RBFOX1: variants seen among roughly 807,000 people sequenced by gnomAD.
The protein encoded by RBFOX1 is RNA binding fox-1 homolog 1, also known as RNA binding protein fox-1 homolog 1.
Under a neutral mutation model 57.7 loss-of-function variants are expected in RBFOX1, and 8 were observed. The observed-to-expected ratio is 0.14, with a 90% confidence interval of 0.08 to 0.25. RBFOX1 has a LOEUF of 0.25. RBFOX1 is among the 10% of genes least tolerant of loss of function. The probability of loss-of-function intolerance (pLI) is 1.00; values close to 1 mark genes in which losing one functional copy is unlikely to be tolerated. For missense variants in RBFOX1, 611 were observed against 548.5 expected (o/e 1.11, Z -1.14); for synonymous variants, 326 against 222.4 (o/e 1.47, Z -4.15).
chr16:5,858,896 A>T (rs999231352), intron 3 of RBFOX1, among the ~76,000 whole-genome samples: 6 of 152,148 alleles, frequency 3.9e-5, no homozygotes, highest in African/African-American at 1.4e-4. Flanking sequence ...AGAGATAGGG[A>T]GAGGGGAAGC....
At chr16:6,937,171 C>T (rs2077513131) in intron 3 of RBFOX1, among the ~76,000 whole-genome samples, 1 of 151,818 alleles carries the variant, frequency 6.6e-6, no homozygotes, top group African/African-American at 2.4e-5. Context: ...TATTTTTTTC[C>T]AAATTTTTAT....
chr16:6,262,060 A>G (rs1598932523), intron 1 of RBFOX1, among the ~76,000 whole-genome samples: 2 of 152,042 alleles, frequency 1.3e-5, no homozygotes, highest in East Asian at 3.9e-4. Flanking sequence ...AGAAAGATGG[A>G]TATTTTCTTT....
chr16:5,895,357 C>T (rs2058139987), intron 4 of RBFOX1, among the ~76,000 whole-genome samples: 1 of 152,166 alleles, frequency 6.6e-6, no homozygotes, highest in African/African-American at 2.4e-5. Flanking sequence ...TTATCTGTCT[C>T]AGATATTAGA....
At chr16:6,253,866 C>CT (rs2097643548) in intron 1 of RBFOX1, among the ~76,000 whole-genome samples, 2 of 152,188 alleles carry the variant, frequency 1.3e-5, no homozygotes, top group East Asian at 3.9e-4. Context: ...ATTGGTATTC[C>CT]TCTTTGGAGC....
At chr16:6,890,740 C>G (rs1327926209) in intron 3 of RBFOX1, among the ~76,000 whole-genome samples, 1 of 152,170 alleles carries the variant, frequency 6.6e-6, no homozygotes, top group Non-Finnish European at 1.5e-5. Flanking sequence ...AGGAGAGTGC[C>G]TAAATTCACT....
chr16:5,749,644 C>T (rs149962297), intron 3 of RBFOX1, among the ~76,000 whole-genome samples: 1,846 of 152,320 alleles, frequency 0.012, 37 homozygotes, highest in African/African-American at 0.039. Flanking sequence ...ACCCTTTCTT[C>T]CAGTTGATCG....
At chr16:7,364,322 C>T (rs2097393280) in intron 4 of RBFOX1, among the ~76,000 whole-genome samples, 1 of 151,888 alleles carries the variant, frequency 6.6e-6, no homozygotes, top group Admixed American at 6.6e-5. Flanking sequence ...GGAGAAAGGG[C>T]CCTGGAATTA....
intron 2 of RBFOX1, among the ~76,000 whole-genome samples, chr16:6,430,319 G>T (rs1376078763): frequency 1.3e-5 from 2 of 152,144 alleles, no homozygotes; most frequent in East Asian, 3.9e-4. Flanking sequence ...AATGGATGTG[G>T]CCGGGGAATG....
intron 1 of RBFOX1, among the ~76,000 whole-genome samples, chr16:6,310,207 T>G (rs1233460080): frequency 5.3e-5 from 8 of 152,172 alleles, no homozygotes; most frequent in Non-Finnish European, 1.0e-4. Context: ...TTAAGCAGCA[T>G]AAGCCACATG....
intron 3 of RBFOX1, among the ~76,000 whole-genome samples, chr16:7,022,896 T>C (rs1298281070): frequency 5.3e-5 from 8 of 152,210 alleles, no homozygotes; most frequent in Admixed American, 4.6e-4. Context: ...GCTGCAGAAC[T>C]AGGGCTTGCA....
intron 4 of RBFOX1, among the ~76,000 whole-genome samples, chr16:5,917,823 C>T (rs1052013000): frequency 6.6e-6 from 1 of 152,190 alleles, no homozygotes; most frequent in East Asian, 1.9e-4. Context: ...TGTGACTCTT[C>T]TCTGTTTGAA....
At chr16:5,653,660 T>C (rs1210689140) in intron 3 of RBFOX1, among the ~76,000 whole-genome samples, 1 of 152,224 alleles carries the variant, frequency 6.6e-6, no homozygotes, top group Non-Finnish European at 1.5e-5. Flanking sequence ...TGCCGCTCTC[T>C]TTGAAATGCT....
intron 4 of RBFOX1, among the ~76,000 whole-genome samples, chr16:5,878,476 A>G (rs144577985): frequency 1.6e-4 from 24 of 152,320 alleles, no homozygotes; most frequent in African/African-American, 5.8e-4. Context: ...ATTTGATTCT[A>G]TGCAATTTGC....
intron 3 of RBFOX1, among the ~76,000 whole-genome samples, chr16:5,752,409 AC>A (rs1318664160): frequency 6.6e-5 from 10 of 152,216 alleles, no homozygotes; most frequent in African/African-American, 2.4e-4. Flanking sequence ...ACAAACCTGC[AC>A]ATGTATCCTT....
chr16:7,271,496 T>C (rs924587901), intron 4 of RBFOX1, among the ~76,000 whole-genome samples: 2 of 152,142 alleles, frequency 1.3e-5, no homozygotes, highest in East Asian at 1.9e-4. Context: ...ACTTGGTTGA[T>C]CTTGTATTAA....
intron 11 of RBFOX1, among the ~76,000 whole-genome samples, chr16:7,635,987 A>G (rs1405815952): frequency 1.3e-5 from 2 of 151,946 alleles, no homozygotes; most frequent in African/African-American, 4.8e-5. Context: ...ATTTCTTTGT[A>G]TTTTTAGTAG....
intron 1 of RBFOX1, among the ~76,000 whole-genome samples, chr16:5,404,551 G>A (rs1256142399): frequency 6.6e-6 from 1 of 152,192 alleles, no homozygotes; most frequent in East Asian, 1.9e-4. Flanking sequence ...GAGGACAGAG[G>A]ATAGCTGTAT....
intron 3 of RBFOX1, among the ~76,000 whole-genome samples, chr16:6,768,736 T>A (rs2077790742): frequency 6.8e-6 from 1 of 147,242 alleles, no homozygotes; most frequent in Non-Finnish European, 1.5e-5. Context: ...ATGATATTAT[T>A]TTTCTTTTTT....
At chr16:5,854,592 A>ACG (rs1304117536) in intron 3 of RBFOX1, among the ~76,000 whole-genome samples, 4 of 151,668 alleles carry the variant, frequency 2.6e-5, no homozygotes, top group African/African-American at 9.7e-5. Context: ...TCACACACAC[A>ACG]CACACACACA....
Sources: gnomAD v4.1 joint callset for allele counts (sites outside exome capture counted in the v4.1 genomes callset) on GRCh38, gnomAD v4.1.1 for gene constraint, MANE v1.5 for transcripts, NCBI Gene and HGNC (gene_info 2026-07-23, HGNC 2026-07-21) for gene names.